Variants in FHIT observed in about 807,000 individuals in gnomAD.
FHIT encodes bis(5'-adenosyl)-triphosphatase.
A neutral mutation model predicts 17.9 loss-of-function variants in FHIT; 19 were observed. The observed-to-expected ratio is 1.06, with a 90% CI of 0.74 to 1.56. FHIT has a LOEUF of 1.56. Ranked by LOEUF, FHIT falls within the 40% of genes most tolerant of loss-of-function variation. The pLI, the probability that FHIT is intolerant of heterozygous loss-of-function variation, is 0.00. For missense variants in FHIT, 248 were observed against 189.2 expected, an observed-to-expected ratio of 1.31 and a Z score of -1.82; for synonymous variants, 81 against 69.7, an observed-to-expected ratio of 1.16 and a Z score of -0.81.
At chr3:60,598,343 AATT>A (rs1553667435) in intron 4 of FHIT, among the ~76,000 whole-genome samples, 2 of 152,170 alleles carry the variant, frequency 1.3e-5, no homozygotes, top group Non-Finnish European at 2.9e-5. Context: ...CTCCTCTCAG[AATT>A]ATTAATAAAC....
intron 5 of FHIT, among the ~76,000 whole-genome samples, chr3:60,297,683 C>G (rs1708274385): frequency 6.6e-6 from 1 of 152,010 alleles, no homozygotes; most frequent in African/African-American, 2.4e-5. Flanking sequence ...TTAAAAGTAT[C>G]AGAACTTGCG....
At chr3:60,989,416 G>A (rs1011023180) in intron 3 of FHIT, among the ~76,000 whole-genome samples, 1 of 151,868 alleles carries the variant, frequency 6.6e-6, no homozygotes, top group African/African-American at 2.4e-5. Flanking sequence ...CTCAGCCTCT[G>A]AAAGTCTTTT....
chr3:59,848,116 C>A (rs914393852), intron 8 of FHIT, among the ~76,000 whole-genome samples: 3 of 151,988 alleles, frequency 2.0e-5, no homozygotes, highest in African/African-American at 7.2e-5. Context: ...TCCTTTTTGC[C>A]CACCGTGGCT....
At chr3:60,606,047 T>A (rs906305210) in intron 4 of FHIT, among the ~76,000 whole-genome samples, 2 of 152,156 alleles carry the variant, frequency 1.3e-5, no homozygotes, top group Non-Finnish European at 2.9e-5. Flanking sequence ...CTTTTAAGGA[T>A]GCTAAATTCC....
chr3:60,987,338 G>A (rs961365323), intron 3 of FHIT, among the ~76,000 whole-genome samples: 1 of 152,142 alleles, frequency 6.6e-6, no homozygotes, highest in Non-Finnish European at 1.5e-5. Context: ...GTGGGTTTAG[G>A]GAATGAGGGC....
chr3:60,517,080 T>A (rs1477307606), intron 5 of FHIT, among the ~76,000 whole-genome samples: 1 of 152,192 alleles, frequency 6.6e-6, no homozygotes, highest in African/African-American at 2.4e-5. Flanking sequence ...TAAAAACATG[T>A]CGAGAAGTTG....
chr3:61,188,133 G>T (rs1445715586), intron 2 of FHIT, among the ~76,000 whole-genome samples: 1 of 152,158 alleles, frequency 6.6e-6, no homozygotes, highest in Admixed American at 6.5e-5. Flanking sequence ...AAAAATTAAT[G>T]AATCCAGGAG....
chr3:60,162,131 T>C (rs1316850529), intron 5 of FHIT, among the ~76,000 whole-genome samples: 1 of 152,152 alleles, frequency 6.6e-6, no homozygotes, highest in Non-Finnish European at 1.5e-5. Flanking sequence ...AGGGGCAGAA[T>C]GACCTGAAAG....
At chr3:60,626,506 TTGTC>T (rs781879697) in intron 4 of FHIT, among the ~76,000 whole-genome samples, 2 of 152,188 alleles carry the variant, frequency 1.3e-5, no homozygotes, top group Non-Finnish European at 2.9e-5. Flanking sequence ...CATTTTCTGA[TTGTC>T]TATCACAAGT....
At chr3:61,003,611 G>T (rs999799115) in intron 3 of FHIT, among the ~76,000 whole-genome samples, 1 of 152,128 alleles carries the variant, frequency 6.6e-6, no homozygotes, top group Non-Finnish European at 1.5e-5. Context: ...GGTAAAACAC[G>T]ATTACCAGGG....
rs150125391 is a variant in FHIT, at chr3:60,900,112, T to C, written c.-110-78101A>G. Among the ~76,000 whole-genome samples the C allele has an allele frequency of 7.9e-3, 1,209 of 152,260 alleles. 3 individuals are homozygous for C. Among genetic ancestry groups the C allele is most frequent in the Non-Finnish European group, 0.013 (911 of 68,018 alleles). ...GCAGGCTACTGGTACAAATACTTTG[T>C]GAGGTCAGAAAGGCTCACTATCATG... is the stretch of plus-strand genomic sequence containing the variant. On this transcript the variant is annotated intron_variant, in intron 3 of 9. Coordinates refer to ENST00000492590, the MANE Select transcript of FHIT (RefSeq NM_002012.4).
At chr3:60,901,127 CT>C (rs1328508625) in intron 3 of FHIT, among the ~76,000 whole-genome samples, 1 of 152,170 alleles carries the variant, frequency 6.6e-6, no homozygotes, top group Non-Finnish European at 1.5e-5. Flanking sequence ...AAACAATTTA[CT>C]TTCTTTAAAT....
chr3:59,947,649 G>A (rs1706880864), intron 7 of FHIT, among the ~76,000 whole-genome samples: 1 of 151,728 alleles, frequency 6.6e-6, no homozygotes, highest in Non-Finnish European at 1.5e-5. Flanking sequence ...TGCAACCCTG[G>A]GGGGGCTGGT....
At chr3:60,936,693 T>A (rs1559846430) in intron 3 of FHIT, among the ~76,000 whole-genome samples, 1 of 152,168 alleles carries the variant, frequency 6.6e-6, no homozygotes, top group Non-Finnish European at 1.5e-5. Context: ...GACTGACAAT[T>A]TTCTAAAATT....
chr3:60,671,399 T>A (rs1467727760), intron 4 of FHIT, among the ~76,000 whole-genome samples: 1 of 151,698 alleles, frequency 6.6e-6, no homozygotes, highest in Non-Finnish European at 1.5e-5. Context: ...CAGAGTAGAG[T>A]TTCAAAATCA....
At chr3:60,731,150 A>C (rs2042021298) in intron 4 of FHIT, among the ~76,000 whole-genome samples, 1 of 152,008 alleles carries the variant, frequency 6.6e-6, no homozygotes, top group African/African-American at 2.4e-5. Context: ...TAAATAAATA[A>C]AAATAAAAAA....
rs139472819 is a variant in FHIT at position 59,754,529 on chromosome 3, C to CAA, written c.349-2210_349-2209dup. On this transcript the variant is annotated intron_variant, in intron 8 of 9. Transcript: ENST00000492590. ...ATCTTATAACAATTCAATAGGATGA[C>CAA]AAAGAGATATGCAAAGCCCAGGAAA... Among the ~76,000 whole-genome samples the CAA allele has an allele frequency of 1.1e-4, 16 of 152,244 alleles. 1 individual carries two copies. The East Asian group carries it at 3.1e-3, about 29-fold the overall frequency.
intron 2 of FHIT, among the ~76,000 whole-genome samples, chr3:61,101,556 C>T (rs1420646632): frequency 1.3e-5 from 2 of 151,956 alleles, no homozygotes; most frequent in African/African-American, 4.8e-5. Context: ...TTTTTTGGTT[C>T]CATATGAACT....
chr3:60,563,189 T>C (rs1302171590), intron 4 of FHIT, among the ~76,000 whole-genome samples: 1 of 152,044 alleles, frequency 6.6e-6, no homozygotes, highest in Middle Eastern at 3.2e-3. Flanking sequence ...TGGGAAGCGG[T>C]AGGGACTTGA....
Sources: allele counts gnomAD v4.1 joint callset (sites outside exome capture counted in the v4.1 genomes callset), GRCh38; gene constraint gnomAD v4.1.1; transcripts MANE v1.5; gene names NCBI Gene and HGNC (gene_info 2026-07-23, HGNC 2026-07-21).